DLGAP2: variants seen among roughly 807,000 people sequenced by gnomAD.
DLGAP2 encodes the protein DLG associated protein 2.
A neutral mutation model predicts 100.3 loss-of-function variants in DLGAP2; 26 were observed. The observed-to-expected ratio is 0.26, with a 90% CI of 0.19 to 0.36. The LOEUF is 0.36. Ranked by LOEUF, DLGAP2 falls within the 10% of genes least tolerant of loss-of-function variation. The probability of loss-of-function intolerance (pLI) is 1.00; values close to 1 mark genes in which losing one functional copy is unlikely to be tolerated. For missense variants in DLGAP2, 1,858 were observed against 1,453.2 expected, an observed-to-expected ratio of 1.28 and a Z score of -4.53; for synonymous variants, 886 against 630.1, an observed-to-expected ratio of 1.41 and a Z score of -6.08.
chr8:1,024,322 G>T (rs1231664913), intron 2 of DLGAP2, among the ~76,000 whole-genome samples: 1 of 118,558 alleles, frequency 8.4e-6, no homozygotes, highest in East Asian at 2.3e-4. Context: ...AGACACCCCA[G>T]CCACCACCCA....
chr8:1,694,967 C>G (rs1239309908), intron 13 of DLGAP2, among the ~76,000 whole-genome samples: 1 of 152,210 alleles, frequency 6.6e-6, no homozygotes, highest in Non-Finnish European at 1.5e-5. Flanking sequence ...CCTGACCATG[C>G]CAGGCTGTGC....
intron 3 of DLGAP2, among the ~76,000 whole-genome samples, chr8:1,438,604 A>G (rs1057218019): frequency 6.6e-6 from 1 of 152,222 alleles, no homozygotes; most frequent in African/African-American, 2.4e-5. Flanking sequence ...AGCAGTGAGG[A>G]AAGAACCGAG....
intron 3 of DLGAP2, among the ~76,000 whole-genome samples, chr8:1,275,135 C>A (rs540899107): frequency 6.6e-6 from 1 of 152,120 alleles, no homozygotes; most frequent in African/African-American, 2.4e-5. Flanking sequence ...TGTCATGGTC[C>A]CAGTGCCTCC....
chr8:901,064 G>A (rs113044113), intron 1 of DLGAP2, among the ~76,000 whole-genome samples: 1 of 152,220 alleles, frequency 6.6e-6, no homozygotes, highest in Non-Finnish European at 1.5e-5. Flanking sequence ...GCTGAGGCAG[G>A]AAGATTGCAT....
intron 2 of DLGAP2, among the ~76,000 whole-genome samples, chr8:1,075,594 A>G (rs1439437902): frequency 6.6e-6 from 1 of 152,206 alleles, no homozygotes; most frequent in African/African-American, 2.4e-5. Flanking sequence ...GACAAGTTAG[A>G]CATACTGCGC....
intron 3 of DLGAP2, among the ~76,000 whole-genome samples, chr8:1,265,862 G>C (rs971871020): frequency 4.2e-4 from 64 of 152,232 alleles, no homozygotes; most frequent in African/African-American, 1.5e-3. Flanking sequence ...ACAGGTAGGG[G>C]AGGGGAGAGA....
chr8:982,588 G>A (rs568452930), intron 2 of DLGAP2, among the ~76,000 whole-genome samples: 5 of 152,288 alleles, frequency 3.3e-5, no homozygotes, highest in African/African-American at 4.8e-5. Flanking sequence ...GGAGGGAAGC[G>A]AAGGTGAAGA....
chr8:935,185 G>T (rs562480578), intron 2 of DLGAP2, among the ~76,000 whole-genome samples: 2 of 152,206 alleles, frequency 1.3e-5, no homozygotes, highest in African/African-American at 2.4e-5. Flanking sequence ...TTCTCTGAGC[G>T]ACTCCACCAT....
intron 2 of DLGAP2, among the ~76,000 whole-genome samples, chr8:1,140,960 G>C (rs1796510939): frequency 6.6e-6 from 1 of 152,204 alleles, no homozygotes; most frequent in South Asian, 2.1e-4. Flanking sequence ...TCCAGCCTGG[G>C]TGACAGGGCA....
intron 1 of DLGAP2, among the ~76,000 whole-genome samples, chr8:818,237 A>G (rs7464517): frequency 6.6e-6 from 1 of 151,870 alleles, no homozygotes; most frequent in African/African-American, 2.4e-5. Flanking sequence ...CAGGGGGATT[A>G]TGGCTGCCTC....
intron 3 of DLGAP2, among the ~76,000 whole-genome samples, chr8:1,366,555 G>A (rs572243392): frequency 2.6e-5 from 4 of 152,322 alleles, no homozygotes; most frequent in African/African-American, 9.6e-5. Context: ...CAAGGCAGAG[G>A]TGTGAGGGGA....
chr8:1,042,218 C>T (rs890725608), intron 2 of DLGAP2, among the ~76,000 whole-genome samples: 2 of 152,172 alleles, frequency 1.3e-5, no homozygotes, highest in Non-Finnish European at 2.9e-5. Context: ...GGCTGCTCAC[C>T]CCCTGGCTGT....
At chr8:1,586,576 C>A (rs1002074733) in intron 6 of DLGAP2, among the ~76,000 whole-genome samples, 2 of 152,222 alleles carry the variant, frequency 1.3e-5, no homozygotes, top group African/African-American at 4.8e-5. Context: ...CCACCTGCAA[C>A]CTTCATGCCC....
intron 2 of DLGAP2, among the ~76,000 whole-genome samples, chr8:1,060,920 C>T (rs1422451572): frequency 6.6e-6 from 1 of 152,238 alleles, no homozygotes; most frequent in Admixed American, 6.5e-5. Context: ...GGGAGACTTA[C>T]TTGCATTCTG....
At position 1,668,692 on chromosome 8, in the gene DLGAP2, G is replaced by A. The variant is rs748228404; in HGVS notation, c.2160+14G>A. Reference sequence around the variant, plus strand: ...ATCGGGATTCAGGTAGCTGCTCTTGGCCGCCCGTCAGGGCCTCGCTCCACT... The same window carrying A: ...ATCGGGATTCAGGTAGCTGCTCTTGACCGCCCGTCAGGGCCTCGCTCCACT... On this transcript the variant is annotated intron_variant, in intron 9 of 14. Transcript: ENST00000637795. 5 of 1,511,048 alleles carry A rather than the reference G, an allele frequency of 3.3e-6. No homozygotes were observed. The highest frequency in any genetic ancestry group is 2.1e-5 in the Admixed American group (1 of 47,378). 93.6% of individuals were successfully genotyped at this position (1,511,048 alleles called of 1,614,324 possible).
chr8:1,595,498 C>A (rs1161037132), intron 6 of DLGAP2, among the ~76,000 whole-genome samples: 2 of 149,570 alleles, frequency 1.3e-5, no homozygotes, highest in African/African-American at 2.5e-5. Context: ...CCCGTCTCTA[C>A]TAAAAATACA....
intron 3 of DLGAP2, among the ~76,000 whole-genome samples, chr8:1,279,239 T>C (rs1025633601): frequency 6.6e-6 from 1 of 152,214 alleles, no homozygotes; most frequent in African/African-American, 2.4e-5. Context: ...GTCCTTGGAT[T>C]ATTGTGGTAT....
intron 1 of DLGAP2, among the ~76,000 whole-genome samples, chr8:786,673 T>C (rs1821876394): frequency 6.6e-6 from 1 of 152,022 alleles, no homozygotes; most frequent in African/African-American, 2.4e-5. Context: ...GGGAGGGGCC[T>C]CGCTGCTGGC....
At chr8:1,334,202 C>T (rs1257729980) in intron 3 of DLGAP2, among the ~76,000 whole-genome samples, 1 of 152,202 alleles carries the variant, frequency 6.6e-6, no homozygotes, top group Admixed American at 6.5e-5. Context: ...GAAATGTTTC[C>T]TGTGATGAAA....
Sources: allele counts gnomAD v4.1 joint callset (sites outside exome capture counted in the v4.1 genomes callset), GRCh38; gene constraint gnomAD v4.1.1; transcripts MANE v1.5; gene names NCBI Gene and HGNC (gene_info 2026-07-23, HGNC 2026-07-21).